Variants in TAF9B observed in about 807,000 individuals in gnomAD.
TAF9B encodes TATA-box binding protein associated factor 9b, also known as transcription initiation factor TFIID subunit 9B.
A neutral mutation model predicts 17.6 loss-of-function variants in TAF9B; 47 were observed. The ratio of observed to expected loss-of-function variants is 2.68; its 90% CI spans 2.12 to 3.41. TAF9B has a LOEUF of 3.41. Ranked by LOEUF, TAF9B falls within the 30% of genes most tolerant of loss-of-function variation. TAF9B has a pLI of 0.00. For missense variants in TAF9B, 218 were observed against 189.3 expected (o/e 1.15, Z -0.89); for synonymous variants, 84 against 68.7 (o/e 1.22, Z -1.10).
Position 78,137,861 on chromosome X carries a change from T to C in TAF9B, c.293A>G (p.Gln98Arg), listed in dbSNP as rs1441546665. The change falls in exon 4 of 7, where the codon CAG (glutamine) becomes CGG (arginine). Residue 98 changes from glutamine to arginine, a missense_variant. Physicochemically the swap from Gln to Arg is conservative, Grantham distance 43 (BLOSUM62 1). Coordinates refer to ENST00000341864, the MANE Select transcript of TAF9B (RefSeq NM_015975.5). ...PRDFLLDIAR[Q>R]KNQTPLPLIK... ...CAGTGGCAAAGGGGTTTGATTTTTC[T>C]GCCTTGCGATATCCAGTAAAAACTT... 1 of 1,203,638 alleles carries C rather than the reference T, an allele frequency of 8.3e-7. No homozygotes were observed. The highest frequency in any genetic ancestry group is 1.8e-5 in the African/African-American group (1 of 56,697).
Position 78,137,948 on chromosome X carries a change from C to T in TAF9B, c.270+14G>A. ...ATTGTAAGTAAAAATAACTTCAAATCAAAGTTTGCTCACATCTCTTGGGGG... is the reference window on the plus strand; with the variant it reads ...ATTGTAAGTAAAAATAACTTCAAATTAAAGTTTGCTCACATCTCTTGGGGG... On this transcript the variant is annotated intron_variant, in intron 3 of 6. Transcript: ENST00000341864. The T allele has an allele frequency of 1.7e-6, 2 of 1,201,737 alleles. No homozygotes were observed. Among genetic ancestry groups the T allele is most frequent in the Non-Finnish European group, 2.2e-6 (2 of 892,282 alleles).
intron 5 of TAF9B, among the ~76,000 whole-genome samples, chrX:78,134,812 G>A (rs782233359): frequency 7.4e-4 from 83 of 111,745 alleles, no homozygotes; most frequent in African/African-American, 2.7e-3. Context: ...GTAGGTGGAT[G>A]TTTTCTTGGC....
rs2078404835 is a variant in TAF9B, at chrX:78,130,489, T to C, written c.*1121A>G. The C allele has an allele frequency of 8.9e-6, 1 of 112,531 alleles. No homozygotes were observed. Among genetic ancestry groups the C allele is most frequent in the Admixed American group, 9.5e-5 (1 of 10,572 alleles). 9.3% of individuals were successfully genotyped at this position (112,531 alleles called of 1,213,427 possible). A position where few individuals can be genotyped will look rare whatever the true frequency, so the allele number is the denominator to read the frequency against. On this transcript the variant is annotated 3_prime_UTR_variant, in exon 7 of 7. Transcript: ENST00000341864. ...TTTTCTTTGTTGGCCTTATAGAGGA[T>C]GAACCATTAGTGTCTTTCAGGTTTG...
intron 1 of TAF9B, 104 bp from the exon 2 acceptor site, chrX:78,139,028 G>C: frequency 9.5e-6 from 6 of 631,311 alleles, no homozygotes; most frequent in Non-Finnish European, 1.5e-5. Context: ...CCCCTTCTTT[G>C]GGCTCCAAAG....
Position 78,130,013 on chromosome X carries a change from AATAATATCCTATGCT to A in TAF9B, c.*1582_*1596del, listed in dbSNP as rs1170587187. 1 of 112,210 alleles carries A rather than the reference AATAATATCCTATGCT, an allele frequency of 8.9e-6. No homozygotes were observed. The highest frequency in any genetic ancestry group is 1.9e-5 in the Non-Finnish European group (1 of 53,196). 9.2% of individuals were successfully genotyped at this position (112,210 alleles called of 1,213,427 possible). ...GCTGCCTCCCTGAGAACATTCAAGTAATAATATCCTATGCTATATAATGAATATTTATCTCCTATG... is the reference window on the plus strand; with the variant it reads ...GCTGCCTCCCTGAGAACATTCAAGTAATATAATGAATATTTATCTCCTATG... On this transcript the variant is annotated 3_prime_UTR_variant, in exon 7 of 7. Transcript: ENST00000341864.
intron 1 of TAF9B, 115 bp downstream of exon 1, chrX:78,139,446 C>G: frequency 9.3e-7 from 1 of 1,080,133 alleles, no homozygotes. Flanking sequence ...CCTGACGGCC[C>G]TGACTAGACT....
intron 4 of TAF9B, 34 bp from the exon 5 acceptor site, chrX:78,137,024 T>A: frequency 1.0e-6 from 1 of 999,035 alleles, no homozygotes; most frequent in Non-Finnish European, 1.4e-6. Context: ...AATGTTAAGA[T>A]GTGACACCTA....
rs2078421500 is a variant in TAF9B, at chrX:78,133,332, C to T, written c.592+6G>A. ...AAATTCTGTCCCCCACTCCCAATCA[C>T]ATTACCTGGTTTGACAGGTGTGGAC... On this transcript the variant is annotated splice_donor_region_variant and intron_variant, in intron 6 of 6. Transcript: ENST00000341864. 8.4e-7 allele frequency: 1 copy of T among 1,192,067 alleles called. No individual in the cohort carries two copies. Among genetic ancestry groups the T allele is most frequent in the East Asian group, 3.0e-5 (1 of 33,714 alleles).
intron 5 of TAF9B, among the ~76,000 whole-genome samples, chrX:78,136,581 G>A (rs2078435150): frequency 8.9e-6 from 1 of 111,898 alleles, no homozygotes; most frequent in Non-Finnish European, 1.9e-5. Flanking sequence ...CTAATAAGTA[G>A]TCTACTGCCA....
At chrX:78,131,920 ATAGG>A in intron 6 of TAF9B, 147 bp from the exon 7 acceptor site, 1 of 454,605 alleles carries the variant, frequency 2.2e-6, no homozygotes, top group Non-Finnish European at 3.6e-6. Context: ...TAGAAGAAAC[ATAGG>A]TACTTATACT....
At position 78,137,861 on chromosome X, in the gene TAF9B, T is replaced by A; in HGVS notation, c.293A>T (p.Gln98Leu). The part of the protein sequence containing the change: ...PRDFLLDIAR[Q>L]KNQTPLPLIK... ...CAGTGGCAAAGGGGTTTGATTTTTCTGCCTTGCGATATCCAGTAAAAACTT... is the reference window on the plus strand; with the variant it reads ...CAGTGGCAAAGGGGTTTGATTTTTCAGCCTTGCGATATCCAGTAAAAACTT... The change falls in exon 4 of 7, where the codon CAG (glutamine) becomes CTG (leucine). Residue 98 changes from glutamine (Q) to leucine (L), a missense_variant. Physicochemically the swap from Gln to Leu is moderately radical, Grantham distance 113 (BLOSUM62 -2). Coordinates refer to ENST00000341864, the MANE Select transcript of TAF9B (RefSeq NM_015975.5). The A allele has an allele frequency of 8.3e-7, 1 of 1,205,591 alleles. No individual in the cohort carries two copies. Among genetic ancestry groups the A allele is most frequent in the Non-Finnish European group, 1.1e-6 (1 of 894,072 alleles).
In TAF9B at chrX:78,137,870, A is replaced by G; in HGVS notation, c.284T>C (p.Ile95Thr). 1 of 1,202,482 alleles carries G rather than the reference A, an allele frequency of 8.3e-7. No homozygotes were observed. The highest frequency in any genetic ancestry group is 1.1e-6 in the Non-Finnish European group (1 of 893,180). Reference sequence around the variant, plus strand: ...AGGGGTTTGATTTTTCTGCCTTGCGATATCCAGTAAAAACTTAAAAAAAAA... The same window carrying G: ...AGGGGTTTGATTTTTCTGCCTTGCGGTATCCAGTAAAAACTTAAAAAAAAA... ...SPPPRDFLLD[I>T]ARQKNQTPLP... is the part of the protein sequence containing the mutation. The change falls in exon 4 of 7, where the codon ATC (isoleucine) becomes ACC (threonine). Residue 95 changes from isoleucine to threonine, a missense_variant. By Grantham distance (89) the Ile-to-Thr change is moderately conservative (BLOSUM62 -1). Coordinates refer to ENST00000341864, the MANE Select transcript of TAF9B (RefSeq NM_015975.5).
chrX:78,131,464 G>C lies in TAF9B; in HGVS notation c.*146C>G. ...AAAACACATTTGTATGTTTACTAAA[G>C]AGATCTAACAGTTTTAACTGACGAA... is the stretch of plus-strand genomic sequence containing the variant. On this transcript the variant is annotated 3_prime_UTR_variant, in exon 7 of 7. Coordinates refer to ENST00000341864, the MANE Select transcript of TAF9B (RefSeq NM_015975.5). 1 of 445,734 alleles carries C rather than the reference G, an allele frequency of 2.2e-6. No homozygotes were observed. The highest frequency in any genetic ancestry group is 3.7e-6 in the Non-Finnish European group (1 of 267,003). The allele number at this position is 445,734 out of a possible 1,213,427, so 36.7% of individuals were successfully genotyped here.
At chrX:78,134,375 G>C (rs893142187) in intron 5 of TAF9B, among the ~76,000 whole-genome samples, 2 of 111,547 alleles carry the variant, frequency 1.8e-5, no homozygotes, top group East Asian at 5.6e-4. Flanking sequence ...ACAAATGTTT[G>C]CTTAATAAAT....
rs371749672 is a variant in TAF9B, at chrX:78,136,987, G to T, written c.409C>A (p.Pro137Thr). The T allele has an allele frequency of 1.2e-5, 14 of 1,183,888 alleles. No individual in the cohort carries two copies. The highest frequency in any genetic ancestry group is 1.5e-5 in the Non-Finnish European group (13 of 874,118). The part of the protein sequence containing the change: ...YRLKSLIKKG[P>T]NQGRLVPRLS... ...CGTGGAACTAGTCTCCCTTGGTTAG[G>T]TCCCTAGGGGATTTAAAAAACAAAT... The change falls in exon 5 of 7, where the codon CCT (proline) becomes ACT (threonine). Residue 137 changes from proline (P) to threonine (T), a missense_variant. Pro to Thr is a conservative substitution (Grantham distance 38). Transcript: ENST00000341864.
intron 4 of TAF9B, 82 bp downstream of exon 4, chrX:78,137,667 T>C: frequency 1.1e-6 from 1 of 931,172 alleles, no homozygotes; most frequent in Non-Finnish European, 1.5e-6. Context: ...TCTACTATAC[T>C]AGCTACAGGA....
rs372885142 is a variant in TAF9B, at chrX:78,138,138, C to T, written c.134-40G>A. On this transcript the variant is annotated intron_variant, in intron 2 of 6. Coordinates refer to ENST00000341864, the MANE Select transcript of TAF9B (RefSeq NM_015975.5). ...CAATCTTTTCTTAAACATATGAAGA[C>T]AGCTTAATATTTATGGCTACTTGTC... The T allele has an allele frequency of 2.1e-4, 235 of 1,115,041 alleles. No individual in the cohort carries two copies. The South Asian group carries it at 4.7e-3, about 22-fold the overall frequency. The allele number at this position is 1,115,041 out of a possible 1,213,427, so 91.9% of individuals were successfully genotyped here.
rs1484043742 is a variant in TAF9B at position 78,133,379 on chromosome X, G to A, written c.551C>T (p.Thr184Met). ...TPMSVTSQRF[T>M]VQIPPSQSTP... ...GGACTGAGAAGGTGGAATCTGCACC[G>A]TAAATCTTTGGCTTGTCACTGACAT... The change falls in exon 6 of 7, where the codon ACG becomes ATG. Residue 184 changes from threonine to methionine, a missense_variant. Coordinates refer to ENST00000341864, the MANE Select transcript of TAF9B (RefSeq NM_015975.5). 7.4e-6 allele frequency: 9 copies of A among 1,209,679 alleles called. No individual in the cohort carries two copies. The highest frequency in any genetic ancestry group is 3.5e-5 in the South Asian group (2 of 56,858).
Position 78,138,098 on chromosome X carries a change from C to G in TAF9B, c.134G>C (p.Arg45Pro). 2.5e-6 allele frequency: 3 copies of G among 1,189,807 alleles called. No homozygotes were observed. The highest frequency in any genetic ancestry group is 1.8e-5 in the African/African-American group (1 of 56,676). ...VINQMLEFAF[R>P]YVTTILDDAK... is the part of the protein sequence containing the mutation. ...ATCATCCAGAATTGTAGTCACATAACCTATAAGAACAAAACAATCTTTTCT... is the reference window on the plus strand; with the variant it reads ...ATCATCCAGAATTGTAGTCACATAAGCTATAAGAACAAAACAATCTTTTCT... Residue 45 changes from arginine (R) to proline (P), a missense_variant and splice_region_variant, in exon 3 of 7, where the codon CGT becomes CCT. By Grantham distance (103) the Arg-to-Pro change is moderately radical (BLOSUM62 -2). Transcript: ENST00000341864.
Sources: gnomAD v4.1 joint callset for allele counts (sites outside exome capture counted in the v4.1 genomes callset) on GRCh38, gnomAD v4.1.1 for gene constraint, MANE v1.5 for transcripts, NCBI Gene and HGNC (gene_info 2026-07-23, HGNC 2026-07-21) for gene names.